Variants in XKR4 observed in about 807,000 individuals in gnomAD.
XKR4 encodes the protein XK related 4.
A neutral mutation model predicts 53.9 loss-of-function variants in XKR4; 12 were observed. The ratio of observed to expected loss-of-function variants is 0.22; its 90% CI spans 0.14 to 0.36. XKR4 has a LOEUF of 0.36. XKR4 is among the 10% of genes least tolerant of loss of function. XKR4 has a pLI of 1.00. For missense variants in XKR4, 799 were observed against 859.5 expected, an observed-to-expected ratio of 0.93 and a Z score of 0.88; for synonymous variants, 354 against 362.4, an observed-to-expected ratio of 0.98 and a Z score of 0.26.
At chr8:55,281,020 A>G (rs1818838634) in intron 1 of XKR4, among the ~76,000 whole-genome samples, 1 of 152,168 alleles carries the variant, frequency 6.6e-6, no homozygotes, top group Non-Finnish European at 1.5e-5. Context: ...TTGTTCTACC[A>G]AGTTCTTTTC....
At position 55,347,692 on chromosome 8, in the gene XKR4, C is replaced by T. The variant is rs374367477; in HGVS notation, c.807-9986C>T. Among the ~76,000 whole-genome samples, 6 of 152,318 alleles carry T rather than the reference C, an allele frequency of 3.9e-5. No homozygotes were observed. In the South Asian group the frequency reaches 1.0e-3, roughly 26 times the overall value. On this transcript the variant is annotated intron_variant, in intron 1 of 2. Transcript: ENST00000327381. The stretch of plus-strand genomic sequence containing the variant: ...TTGACATTTCAGAGAGGGCTTTTAT[C>T]GGGAACATCTCCCATTAGCACTAAT...
chr8:55,270,822 G>A (rs1193986487), intron 1 of XKR4, among the ~76,000 whole-genome samples: 1 of 152,142 alleles, frequency 6.6e-6, no homozygotes, highest in East Asian at 1.9e-4. Flanking sequence ...TGACTTTCAG[G>A]TTACTCTGCA....
intron 1 of XKR4, among the ~76,000 whole-genome samples, chr8:55,144,211 G>A (rs1816741477): frequency 6.6e-6 from 1 of 152,054 alleles, no homozygotes; most frequent in African/African-American, 2.4e-5. Context: ...ATCCCTAGGG[G>A]ACCTGGTAAT....
intron 2 of XKR4, among the ~76,000 whole-genome samples, chr8:55,483,140 G>A (rs1806137579): frequency 1.3e-5 from 2 of 152,116 alleles, no homozygotes; most frequent in African/African-American, 4.8e-5. Context: ...AAAAATGGGT[G>A]TATAATTAGG....
rs1803840594 is a variant in XKR4, at chr8:55,357,756, G to T, written c.885G>T (p.Met295Ile). 1 of 1,614,190 alleles carries T rather than the reference G, an allele frequency of 6.2e-7. No homozygotes were observed. The highest frequency in any genetic ancestry group is 1.3e-5 in the African/African-American group (1 of 75,046). ...ENDRWRFYWK[M>I]VYEYADVSML... is the part of the protein sequence containing the mutation. ...ACAGATGGAGGTTTTACTGGAAAAT[G>T]GTATATGAGTATGCGGATGTGAGTA... Residue 295 changes from methionine to isoleucine, a missense_variant, in exon 2 of 3, where the codon ATG (methionine) becomes ATT (isoleucine). Met to Ile is a conservative substitution (Grantham distance 10, BLOSUM62 1). Around this residue, in one of 3 missense-constraint regions of XKR4, gnomAD observed 476 missense variants for 505.4 expected, o/e 0.94. Coordinates refer to ENST00000327381, the MANE Select transcript of XKR4 (RefSeq NM_052898.2).
intron 1 of XKR4, among the ~76,000 whole-genome samples, chr8:55,146,977 G>A (rs1816779131): frequency 1.3e-5 from 2 of 152,158 alleles, no homozygotes; most frequent in Admixed American, 6.5e-5. Flanking sequence ...TCCACAGAAG[G>A]GAAGCCATGC....
At chr8:55,508,839 C>T (rs1312696584) in intron 2 of XKR4, among the ~76,000 whole-genome samples, 1 of 152,200 alleles carries the variant, frequency 6.6e-6, no homozygotes, top group Non-Finnish European at 1.5e-5. Flanking sequence ...ATCAGGGTCA[C>T]CGAACTCAGG....
intron 2 of XKR4, among the ~76,000 whole-genome samples, chr8:55,512,485 CT>C (rs1806642423): frequency 6.6e-6 from 1 of 152,234 alleles, no homozygotes; most frequent in Admixed American, 6.5e-5. Context: ...CTTGAGCTTC[CT>C]TTCCCCTCCT....
chr8:55,341,683 G>A (rs901697783), intron 1 of XKR4, among the ~76,000 whole-genome samples: 3 of 152,186 alleles, frequency 2.0e-5, no homozygotes, highest in Admixed American at 6.5e-5. Context: ...ATTTCAAACC[G>A]ATGCCATTTA....
At chr8:55,243,575 G>A (rs1300448423) in intron 1 of XKR4, among the ~76,000 whole-genome samples, 1 of 152,134 alleles carries the variant, frequency 6.6e-6, no homozygotes. Flanking sequence ...AATTCATTTC[G>A]GTAAATACCA....
intron 2 of XKR4, among the ~76,000 whole-genome samples, chr8:55,371,332 G>A (rs1804067473): frequency 6.6e-6 from 1 of 151,968 alleles, no homozygotes; most frequent in Non-Finnish European, 1.5e-5. Flanking sequence ...TCTCCACAAA[G>A]CAATGGAATT....
chr8:55,463,388 C>T (rs9772678), intron 2 of XKR4, among the ~76,000 whole-genome samples: 59,265 of 149,220 alleles, frequency 0.4, 12,496 homozygotes, highest in East Asian at 0.52. Context: ...GGGTACATAA[C>T]GAAATGAAGG....
At chr8:55,254,628 G>T (rs1818408942) in intron 1 of XKR4, among the ~76,000 whole-genome samples, 1 of 152,164 alleles carries the variant, frequency 6.6e-6, no homozygotes, top group African/African-American at 2.4e-5. Context: ...TGCTAGAAAG[G>T]CACTGAGCAG....
intron 1 of XKR4, among the ~76,000 whole-genome samples, chr8:55,129,879 A>G (rs1816530696): frequency 6.6e-6 from 1 of 152,148 alleles, no homozygotes; most frequent in Non-Finnish European, 1.5e-5. Flanking sequence ...CGGTGTTAAG[A>G]GCACGTGTGG....
At chr8:55,203,610 C>T (rs1817604806) in intron 1 of XKR4, among the ~76,000 whole-genome samples, 1 of 152,280 alleles carries the variant, frequency 6.6e-6, no homozygotes, top group Admixed American at 6.5e-5. Flanking sequence ...GGCAGCAGTG[C>T]TCAGCCTGGG....
chr8:55,476,350 C>G (rs570337230), intron 2 of XKR4, among the ~76,000 whole-genome samples: 4 of 152,160 alleles, frequency 2.6e-5, no homozygotes, highest in Admixed American at 6.5e-5. Context: ...ATGCTCCCCC[C>G]AGAGGTCAAA....
intron 1 of XKR4, among the ~76,000 whole-genome samples, chr8:55,306,698 C>T (rs909056474): frequency 6.6e-6 from 1 of 152,136 alleles, no homozygotes; most frequent in Non-Finnish European, 1.5e-5. Flanking sequence ...TCACACAGCA[C>T]GTGGGAATTC....
intron 2 of XKR4, among the ~76,000 whole-genome samples, chr8:55,413,996 G>A (rs1474438060): frequency 1.3e-5 from 2 of 152,018 alleles, no homozygotes; most frequent in African/African-American, 4.8e-5. Flanking sequence ...GTATTCTTTT[G>A]ATAATCAAAA....
chr8:55,492,449 G>A (rs1007383720), intron 2 of XKR4, among the ~76,000 whole-genome samples: 1 of 152,094 alleles, frequency 6.6e-6, no homozygotes, highest in Non-Finnish European at 1.5e-5. Context: ...GAATTTTACT[G>A]GGTTTAAAAG....
Sources: gnomAD v4.1 joint callset for allele counts (sites outside exome capture counted in the v4.1 genomes callset) on GRCh38, gnomAD v4.1.1 for gene constraint, gnomAD v4.1.1 regional missense constraint, MANE v1.5 for transcripts, NCBI Gene and HGNC (gene_info 2026-07-23, HGNC 2026-07-21) for gene names.